The following BRCA2 variants were observed in gnomAD, a reference collection of about 807,000 sequenced individuals.
The protein encoded by BRCA2 is BRCA2 DNA repair associated.
A neutral mutation model predicts 276.7 loss-of-function variants in BRCA2; 203 were observed. The observed-to-expected ratio is 0.73, with a 90% CI of 0.65 to 0.82. BRCA2 has a LOEUF of 0.82. Ranked by LOEUF, BRCA2 falls within the 40% of genes least tolerant of loss-of-function variation. The pLI is 0.00. For missense variants in BRCA2, 3,920 were observed against 3,915.0 expected, an observed-to-expected ratio of 1.00 and a Z score of -0.03; for synonymous variants, 1,289 against 1,338.4, an observed-to-expected ratio of 0.96 and a Z score of 0.81.
At chr13:32,318,643 G>A (rs560539554) in intron 2 of BRCA2, among the ~76,000 whole-genome samples, 3 of 152,118 alleles carry the variant, frequency 2.0e-5, no homozygotes, top group East Asian at 1.9e-4. Context: ...GGGTTTCAAC[G>A]TGTTAGCAAG....
At chr13:32,394,626 T>C in intron 24 of BRCA2, 63 bp from the exon 25 acceptor site, 1 of 1,555,648 alleles carries the variant, frequency 6.4e-7, no homozygotes, top group Non-Finnish European at 8.8e-7. Context: ...GTTTCCTTTC[T>C]TGCATCTTAA....
chr13:32,331,019 C>T lies in BRCA2; in HGVS notation c.782C>T (p.Ala261Val), dbSNP rs2137462261. Residue 261 changes from alanine to valine, a missense_variant, in exon 9 of 27, where the codon GCT becomes GTT. Physicochemically the swap from Ala to Val is moderately conservative, Grantham distance 64 (BLOSUM62 0). Around this residue, in one of 2 missense-constraint regions of BRCA2, gnomAD observed 3,263 missense variants for 3,156.9 expected, o/e 1.03. Transcript: ENST00000380152. ...AGTGAAAACACAAATCAAAGAGAAGCTGCAAGTCATGGTAAGTCCTCTGTT... is the reference window on the plus strand; with the variant it reads ...AGTGAAAACACAAATCAAAGAGAAGTTGCAAGTCATGGTAAGTCCTCTGTT... The part of the protein sequence containing the change: ...TDSENTNQRE[A>V]ASHGFGKTSG... The T allele has an allele frequency of 6.2e-7, 1 of 1,608,598 alleles. No individual in the cohort carries two copies. The highest frequency in any genetic ancestry group is 8.5e-7 in the Non-Finnish European group (1 of 1,175,344).
In BRCA2 at chr13:32,338,933, A is replaced by G. The variant is rs202022822; in HGVS notation, c.4578A>G (p.Thr1526=). 2.7e-5 allele frequency: 44 copies of G among 1,613,942 alleles called. No individual in the cohort carries two copies. In the East Asian group the frequency reaches 8.5e-4, roughly 31 times the overall value. Residue 1526 remains threonine, a synonymous_variant, in exon 11 of 27, where the codon ACA becomes ACG. Coordinates refer to ENST00000380152, the MANE Select transcript of BRCA2 (RefSeq NM_000059.4). ...IKEPTLLGFH[T]ASGKKVKIAK... is the part of the protein sequence containing the mutation. ...AACCTACTCTATTGGGTTTTCATAC[A>G]GCTAGCGGGAAAAAAGTTAAAATTG...
chr13:32,347,611 C>A (rs1236714074), intron 13 of BRCA2, among the ~76,000 whole-genome samples: 3 of 152,120 alleles, frequency 2.0e-5, no homozygotes, highest in Non-Finnish European at 2.9e-5. Context: ...GGACACCAGG[C>A]ACAATTGAGG....
chr13:32,340,567 G>T lies in BRCA2; in HGVS notation c.6212G>T (p.Ser2071Ile), dbSNP rs80358861. 6.2e-7 allele frequency: 1 copy of T among 1,612,374 alleles called. No individual in the cohort carries two copies. The highest frequency in any genetic ancestry group is 8.5e-7 in the Non-Finnish European group (1 of 1,179,120). Residue 2071 changes from serine to isoleucine, a missense_variant, in exon 11 of 27, where the codon AGT (serine) becomes ATT (isoleucine). Ser to Ile is a moderately radical substitution (Grantham distance 142, BLOSUM62 -2). This residue lies in a region of BRCA2 where 3,263 missense variants were observed against 3,156.9 expected (regional missense o/e 1.03). Coordinates refer to ENST00000380152, the MANE Select transcript of BRCA2 (RefSeq NM_000059.4). ...ASGKQVSILE[S>I]SLHKVKGVLE... Reference sequence around the variant, plus strand: ...GGAAAGCAAGTTTCCATTTTAGAAAGTTCCTTACACAAAGTTAAGGGAGTG... The same window carrying T: ...GGAAAGCAAGTTTCCATTTTAGAAATTTCCTTACACAAAGTTAAGGGAGTG...
At chr13:32,347,032 C>T (rs2072616891) in intron 13 of BRCA2, 136 bp downstream of exon 13, 2 of 633,030 alleles carry the variant, frequency 3.2e-6, no homozygotes, top group Non-Finnish European at 5.2e-6. Context: ...TTATAAAATA[C>T]TTTGGTAGTA....
At position 32,332,752 on chromosome 13, in the gene BRCA2, A is replaced by G. The variant is rs768169574; in HGVS notation, c.1274A>G (p.Glu425Gly). ...HISSCDQNIS[E>G]KDLLDTENKR... Reference sequence around the variant, plus strand: ...TCTTCATGTGACCAAAATATTTCAGAAAAAGACCTATTAGACACAGAGAAC... The same window carrying G: ...TCTTCATGTGACCAAAATATTTCAGGAAAAGACCTATTAGACACAGAGAAC... The change falls in exon 10 of 27, where the codon GAA becomes GGA. Residue 425 changes from glutamate (E) to glycine (G), a missense_variant. Around this residue, in one of 2 missense-constraint regions of BRCA2, gnomAD observed 3,263 missense variants for 3,156.9 expected, o/e 1.03. Transcript: ENST00000380152. 3 of 1,608,512 alleles carry G rather than the reference A, an allele frequency of 1.9e-6. No individual in the cohort carries two copies. Among genetic ancestry groups the G allele is most frequent in the South Asian group, 2.2e-5 (2 of 89,540 alleles).
chr13:32,353,946 A>G (rs2072669580), intron 13 of BRCA2, among the ~76,000 whole-genome samples: 1 of 152,244 alleles, frequency 6.6e-6, no homozygotes, highest in Non-Finnish European at 1.5e-5. Context: ...AAAATCGGGC[A>G]TGAGGATAAA....
Position 32,338,470 on chromosome 13 carries a change from T to G in BRCA2, c.4115T>G (p.Phe1372Cys). 1.2e-6 allele frequency: 2 copies of G among 1,610,808 alleles called. No individual in the cohort carries two copies. Among genetic ancestry groups the G allele is most frequent in the Non-Finnish European group, 8.5e-7 (1 of 1,179,182 alleles). Residue 1372 changes from phenylalanine (F) to cysteine (C), a missense_variant, in exon 11 of 27, where the codon TTT becomes TGT. Around this residue, in one of 2 missense-constraint regions of BRCA2, gnomAD observed 3,263 missense variants for 3,156.9 expected, o/e 1.03. Transcript: ENST00000380152. ...ATATGTCTTAAATTATCTGGCCAGT[T>G]TATGAAGGAGGGAAACACTCAGATT... ...HNICLKLSGQ[F>C]MKEGNTQIKE...
rs876658938 is a variant in BRCA2 at position 32,338,163 on chromosome 13, G to A, written c.3808G>A (p.Val1270Ile). The part of the protein sequence containing the change: ...LSSSKCHDSV[V>I]SMFKIENHND... Reference sequence around the variant, plus strand: ...TTCAAGTAAATGTCATGATTCTGTTGTTTCAATGTTTAAGATAGAAAATCA... The same window carrying A: ...TTCAAGTAAATGTCATGATTCTGTTATTTCAATGTTTAAGATAGAAAATCA... The change falls in exon 11 of 27, where the codon GTT becomes ATT. Residue 1270 changes from valine (V) to isoleucine (I), a missense_variant. Physicochemically the swap from Val to Ile is conservative, Grantham distance 29 (BLOSUM62 3). Transcript: ENST00000380152. The A allele has an allele frequency of 3.8e-6, 6 of 1,588,182 alleles. No homozygotes were observed. The highest frequency in any genetic ancestry group is 3.4e-6 in the Non-Finnish European group (4 of 1,167,158).
chr13:32,397,678 T>C lies in BRCA2; in HGVS notation c.9649-484T>C, dbSNP rs187473905. Among the ~76,000 whole-genome samples, 15 of 152,336 alleles carry C rather than the reference T, an allele frequency of 9.8e-5. No individual in the cohort carries two copies. The East Asian group carries it at 2.7e-3, about 27-fold the overall frequency. ...CTTAAAGTCACAGTTTCCGAGAACC[T>C]ATCAATTATGTTAAGTGAGGACTTG... On this transcript the variant is annotated intron_variant, in intron 26 of 26. Coordinates refer to ENST00000380152, the MANE Select transcript of BRCA2 (RefSeq NM_000059.4).
At chr13:32,394,277 CTTTATG>C (rs2073018033) in intron 24 of BRCA2, among the ~76,000 whole-genome samples, 1 of 152,072 alleles carries the variant, frequency 6.6e-6, no homozygotes, top group African/African-American at 2.4e-5. Context: ...TTTTCATGAA[CTTTATG>C]TTCATGTGTA....
At chr13:32,315,924 CTT>C (rs1365311398) in intron 1 of BRCA2, among the ~76,000 whole-genome samples, 2 of 152,254 alleles carry the variant, frequency 1.3e-5, no homozygotes, top group Non-Finnish European at 2.9e-5. Context: ...CAGCTCAAGA[CTT>C]AACTTCCCTC....
chr13:32,354,709 G>GAT, intron 13 of BRCA2, 152 bp from the exon 14 acceptor site: 1 of 654,770 alleles, frequency 1.5e-6, no homozygotes, highest in South Asian at 1.9e-5. Flanking sequence ...TGAAAAATGT[G>GAT]ATATTGTTTT....
rs936730359 is a variant in BRCA2 at position 32,370,293 on chromosome 13, A to G, written c.8332-109A>G. ...TACTAATCTTCCTAAGACTTTTTAA[A>G]GTGAATATTTTTAAGGCAGTTCTAG... On this transcript the variant is annotated intron_variant, in intron 18 of 26. Transcript: ENST00000380152. The G allele has an allele frequency of 3.4e-5, 37 of 1,090,776 alleles. No individual in the cohort carries two copies. In the Admixed American group the frequency reaches 4.5e-4, roughly 13 times the overall value. The allele number at this position is 1,090,776 out of a possible 1,614,324, so 67.6% of individuals were successfully genotyped here.
At position 32,326,241 on chromosome 13, in the gene BRCA2, G is replaced by T. The variant is rs397507340; in HGVS notation, c.476-1G>T. ...CAATTTTCCCCTTTTTTTACCCCCA[G>T]TGGTATGTGGGAGTTTGTTTCATAC... On this transcript the variant is annotated splice_acceptor_variant, in intron 5 of 26. Coordinates refer to ENST00000380152, the MANE Select transcript of BRCA2 (RefSeq NM_000059.4). LOFTEE classifies it high-confidence loss of function. 6.2e-7 allele frequency: 1 copy of T among 1,613,116 alleles called. No individual in the cohort carries two copies. The highest frequency in any genetic ancestry group is 1.3e-5 in the African/African-American group (1 of 74,880).
In BRCA2 at chr13:32,341,093, A is replaced by G. The variant is rs760272304; in HGVS notation, c.6738A>G (p.Pro2246=). The change falls in exon 11 of 27, where the codon CCA becomes CCG. Residue 2246 remains proline (P), a synonymous_variant. Transcript: ENST00000380152. ...ATGAACTGACAGATTCTAAACTGCC[A>G]AGTCATGCCACACATTCTCTTTTTA... ...EDDELTDSKL[P]SHATHSLFTC... 4 of 1,614,018 alleles carry G rather than the reference A, an allele frequency of 2.5e-6. No individual in the cohort carries two copies. The East Asian group carries it at 6.7e-5, about 27-fold the overall frequency.
Position 32,363,196 on chromosome 13 carries a change from A to G in BRCA2, c.7994A>G (p.Asp2665Gly), listed in dbSNP as rs28897745. 651 of 1,613,748 alleles carry G rather than the reference A, an allele frequency of 4.0e-4. 1 individual carries two copies. The highest frequency in any genetic ancestry group is 1.0e-3 in the Admixed American group (62 of 60,024). ...QLKYRYDTEI[D>G]RSRRSAIKKI... ...ACTTTTAGATATGATACGGAAATTGATAGAAGCAGAAGATCGGCTATAAAA... is the reference window on the plus strand; with the variant it reads ...ACTTTTAGATATGATACGGAAATTGGTAGAAGCAGAAGATCGGCTATAAAA... Residue 2665 changes from aspartate to glycine, a missense_variant, in exon 18 of 27, where the codon GAT becomes GGT. By Grantham distance (94) the Asp-to-Gly change is moderately conservative. This residue lies in a region of BRCA2 where 3,263 missense variants were observed against 3,156.9 expected (regional missense o/e 1.03). Transcript: ENST00000380152.
Position 32,354,156 on chromosome 13 carries a change from A to G in BRCA2, c.7008-705A>G, listed in dbSNP as rs190340680. Reference sequence around the variant, plus strand: ...AATGTAAACTGTCATAGCTATTAGGAAAGTTGAGTAGAATGAGTTTGCGTG... The same window carrying G: ...AATGTAAACTGTCATAGCTATTAGGGAAGTTGAGTAGAATGAGTTTGCGTG... On this transcript the variant is annotated intron_variant, in intron 13 of 26. Coordinates refer to ENST00000380152, the MANE Select transcript of BRCA2 (RefSeq NM_000059.4). 1.3e-3 allele frequency among the ~76,000 whole-genome samples: 191 copies of G among 152,314 alleles called. 2 individuals carry two copies. The highest frequency in any genetic ancestry group is 8.5e-3 in the Admixed American group (130 of 15,296).
Sources: allele counts gnomAD v4.1 joint callset (sites outside exome capture counted in the v4.1 genomes callset), GRCh38; gene constraint gnomAD v4.1.1; regional missense constraint gnomAD v4.1.1; transcripts MANE v1.5; gene names NCBI Gene and HGNC (gene_info 2026-07-23, HGNC 2026-07-21).